The following PPFIA1 variants were observed in gnomAD, a reference collection of about 807,000 sequenced individuals.
The protein encoded by PPFIA1 is liprin-alpha-1.
PPFIA1 carries 25 observed loss-of-function variants against 149.9 expected under a neutral mutation model. That is an observed-to-expected ratio of 0.17 (90% CI 0.12 to 0.23). The LOEUF is 0.23. Ranked by LOEUF, PPFIA1 falls within the 10% of genes least tolerant of loss-of-function variation. PPFIA1 has a pLI of 1.00. For missense variants in PPFIA1, 1,362 were observed against 1,506.5 expected, an observed-to-expected ratio of 0.90 and a Z score of 1.59; for synonymous variants, 549 against 552.8, an observed-to-expected ratio of 0.99 and a Z score of 0.10.
At chr11:70,342,582 C>T (rs1460505468) in intron 14 of PPFIA1, among the ~76,000 whole-genome samples, 1 of 152,196 alleles carries the variant, frequency 6.6e-6, no homozygotes, top group African/African-American at 2.4e-5. Context: ...CCTCCTTTTC[C>T]TCGTTCGAGC....
intron 26 of PPFIA1, 61 bp from the exon 27 acceptor site, chr11:70,382,022 CATGTG>C: frequency 7.1e-7 from 1 of 1,413,792 alleles, no homozygotes. Context: ...CTTGTGCCCT[CATGTG>C]ATGTTCTAAG....
rs143208049 is a variant in PPFIA1 at position 70,362,785 on chromosome 11, C to T, written c.2865+297C>T. 2.3e-3 allele frequency: 495 copies of T among 215,796 alleles called. 3 individuals carry two copies. The highest frequency in any genetic ancestry group is 0.01 in the African/African-American group (455 of 43,716). 13.4% of individuals were successfully genotyped at this position (215,796 alleles called of 1,614,324 possible). On this transcript the variant is annotated intron_variant, in intron 21 of 27. Transcript: ENST00000253925. The stretch of plus-strand genomic sequence containing the variant: ...AATTTAAATATGGAAATATGAAATA[C>T]GAAAATACCAAAAAAAATTGGTAGA...
rs1565441217 is a variant in PPFIA1, at chr11:70,356,247, CA to C, written c.2582del (p.Lys861SerfsTer27). On this transcript the variant is annotated frameshift_variant, in exon 19 of 28. Coordinates refer to ENST00000253925, the MANE Select transcript of PPFIA1 (RefSeq NM_003626.5). LOFTEE classifies it high-confidence loss of function. Reference sequence around the variant, plus strand: ...ACAGGCTGAAAAAAATCGTAAACTTCAAAAAAAGTAAGCTTTGTGTTATTTC... The same window carrying C: ...ACAGGCTGAAAAAAATCGTAAACTTCAAAAAAGTAAGCTTTGTGTTATTTC... ...GGQAEKNRKL[Q>X]KKHELLEEAR... 1 of 1,610,078 alleles carries C rather than the reference CA, an allele frequency of 6.2e-7. No homozygotes were observed. Among genetic ancestry groups the C allele is most frequent in the Non-Finnish European group, 8.5e-7 (1 of 1,178,258 alleles).
At position 70,301,301 on chromosome 11, in the gene PPFIA1, G is replaced by A. The variant is rs973730228; in HGVS notation, c.265-23101G>A. 3.3e-5 allele frequency among the ~76,000 whole-genome samples: 5 copies of A among 152,122 alleles called. No individual in the cohort carries two copies. The East Asian group carries it at 9.6e-4, about 29-fold the overall frequency. Reference sequence around the variant, plus strand: ...ATGTCTCTGCAAACCACTCAACACAGCCCCCAACACAGGGAAGATGGAGAG... The same window carrying A: ...ATGTCTCTGCAAACCACTCAACACAACCCCCAACACAGGGAAGATGGAGAG... On this transcript the variant is annotated intron_variant, in intron 2 of 27. Coordinates refer to ENST00000253925, the MANE Select transcript of PPFIA1 (RefSeq NM_003626.5).
At chr11:70,308,880 G>T (rs1337249475) in intron 2 of PPFIA1, among the ~76,000 whole-genome samples, 1 of 152,200 alleles carries the variant, frequency 6.6e-6, no homozygotes, top group Non-Finnish European at 1.5e-5. Context: ...CTATGATTGT[G>T]CCACTTCACT....
chr11:70,294,108 A>G (rs1169058195), intron 2 of PPFIA1, among the ~76,000 whole-genome samples: 2 of 151,592 alleles, frequency 1.3e-5, no homozygotes, highest in East Asian at 3.9e-4. Flanking sequence ...TGCCCAGCTG[A>G]GTTTTGTATT....
rs932429743 is a variant in PPFIA1 at position 70,372,569 on chromosome 11, T to G, written c.3134T>G (p.Ile1045Arg). 3.5e-5 allele frequency: 57 copies of G among 1,607,924 alleles called. No individual in the cohort carries two copies. Among genetic ancestry groups the G allele is most frequent in the Middle Eastern group, 1.7e-4 (1 of 5,974 alleles). The change falls in exon 23 of 28, where the codon ATA (isoleucine) becomes AGA (arginine). Residue 1045 changes from isoleucine to arginine, a missense_variant. Around this residue, in one of 7 missense-constraint regions of PPFIA1, gnomAD observed 349 missense variants for 373.3 expected, o/e 0.93. Transcript: ENST00000253925. ...AAAAGAGAAGAAAGTCAGAGTGAAATAAAAGGTTAGTACATGACATTTAAT... is the reference window on the plus strand; with the variant it reads ...AAAAGAGAAGAAAGTCAGAGTGAAAGAAAAGGTTAGTACATGACATTTAAT... Reference protein sequence around the residue: ...ERKREESQSEIKDVLVWSNDR... With the variant: ...ERKREESQSERKDVLVWSNDR...
At chr11:70,294,223 C>T (rs1230989392) in intron 2 of PPFIA1, among the ~76,000 whole-genome samples, 1 of 151,900 alleles carries the variant, frequency 6.6e-6, no homozygotes, top group Non-Finnish European at 1.5e-5. Context: ...ATGACAGGTG[C>T]GAGCCACTGC....
intron 16 of PPFIA1, 89 bp downstream of exon 16, chr11:70,348,509 A>C: frequency 9.4e-7 from 1 of 1,064,754 alleles, no homozygotes; most frequent in South Asian, 1.5e-5. Flanking sequence ...AAGAAAATCA[A>C]GTACATTCGT....
chr11:70,305,152 C>T (rs1206598662), intron 2 of PPFIA1, among the ~76,000 whole-genome samples: 1 of 152,132 alleles, frequency 6.6e-6, no homozygotes, highest in African/African-American at 2.4e-5. Context: ...TGTGGCAGTG[C>T]CACCAAATGG....
At chr11:70,357,953 C>CT (rs2056436944) in intron 19 of PPFIA1, among the ~76,000 whole-genome samples, 2 of 152,052 alleles carry the variant, frequency 1.3e-5, no homozygotes, top group Admixed American at 6.6e-5. Context: ...TAGAGCTAAA[C>CT]TTTCTGCCTC....
At position 70,343,890 on chromosome 11, in the gene PPFIA1, C is replaced by G. The variant is rs2055510596; in HGVS notation, c.1929C>G (p.Ile643Met). ...AGCTGGACGCCATCAACAAAGAGAT[C>G]AGGTGTGTGCAACCGTGCATGACAC... ...QEQLDAINKE[I>M]RLIQEEKENT... The change falls in exon 15 of 28, where the codon ATC becomes ATG. Residue 643 changes from isoleucine to methionine, a missense_variant and splice_region_variant. By Grantham distance (10) the Ile-to-Met change is conservative. Coordinates refer to ENST00000253925, the MANE Select transcript of PPFIA1 (RefSeq NM_003626.5). 3 of 1,611,600 alleles carry G rather than the reference C, an allele frequency of 1.9e-6. No homozygotes were observed. Among genetic ancestry groups the G allele is most frequent in the African/African-American group, 1.3e-5 (1 of 74,890 alleles).
chr11:70,290,660 A>C (rs2051463973), intron 2 of PPFIA1, among the ~76,000 whole-genome samples: 1 of 152,134 alleles, frequency 6.6e-6, no homozygotes, highest in Admixed American at 6.6e-5. Context: ...TCGGAGGAGG[A>C]AATTTCATTT....
chr11:70,293,157 A>G (rs2136229637), intron 2 of PPFIA1, among the ~76,000 whole-genome samples: 2 of 152,348 alleles, frequency 1.3e-5, no homozygotes, highest in South Asian at 4.1e-4. Context: ...AATTTCCTAA[A>G]CGGGATCTTT....
At chr11:70,283,456 T>C (rs1250900864) in intron 2 of PPFIA1, among the ~76,000 whole-genome samples, 3 of 152,104 alleles carry the variant, frequency 2.0e-5, no homozygotes, top group African/African-American at 7.2e-5. Context: ...TTCTAAGGAA[T>C]GAGGTCTTCA....
chr11:70,340,023 A>AT, intron 14 of PPFIA1, among the ~76,000 whole-genome samples: 1 of 152,130 alleles, frequency 6.6e-6, no homozygotes, highest in South Asian at 2.1e-4. Flanking sequence ...AAAAAATAAA[A>AT]TAAAAAGCCG....
At chr11:70,300,661 G>C (rs767049410) in intron 2 of PPFIA1, among the ~76,000 whole-genome samples, 1 of 151,850 alleles carries the variant, frequency 6.6e-6, no homozygotes, top group Non-Finnish European at 1.5e-5. Context: ...AGCCTCCCAA[G>C]TAGCTGGGAC....
At position 70,272,209 on chromosome 11, in the gene PPFIA1, G is replaced by C; in HGVS notation, c.37G>C (p.Glu13Gln). 6.2e-7 allele frequency: 1 copy of C among 1,614,028 alleles called. No individual in the cohort carries two copies. The highest frequency in any genetic ancestry group is 8.5e-7 in the Non-Finnish European group (1 of 1,180,016). Residue 13 changes from glutamate (E) to glutamine (Q), a missense_variant, in exon 2 of 28, where the codon GAA becomes CAA. By Grantham distance (29) the Glu-to-Gln change is conservative. Coordinates refer to ENST00000253925, the MANE Select transcript of PPFIA1 (RefSeq NM_003626.5). ...GGTGATGCCGACCATCAGCGAAGCA[G>C]AAGGCCCCCCTGGAGGAGGTGGAGG... ...CEVMPTISEA[E>Q]GPPGGGGGHG...
chr11:70,342,620 G>A (rs570604417), intron 14 of PPFIA1, among the ~76,000 whole-genome samples: 1 of 152,096 alleles, frequency 6.6e-6, no homozygotes, highest in East Asian at 1.9e-4. Context: ...AGGTAGGGCG[G>A]GATGTGGACA....
Sources: gnomAD v4.1 joint callset for allele counts (sites outside exome capture counted in the v4.1 genomes callset) on GRCh38, gnomAD v4.1.1 for gene constraint, gnomAD v4.1.1 regional missense constraint, MANE v1.5 for transcripts, NCBI Gene and HGNC (gene_info 2026-07-23, HGNC 2026-07-21) for gene names.